Variants in CLIP1 observed in about 807,000 individuals in gnomAD.
CLIP1 encodes CAP-Gly domain-containing linker protein 1.
In CLIP1, 66 loss-of-function variants were observed where a neutral mutation model predicts 161.6. That is an observed-to-expected ratio of 0.41 (90% confidence interval 0.33 to 0.50). The LOEUF is 0.50. Among genes scored for constraint, CLIP1 ranks in the 20% least tolerant of loss-of-function variants. The probability of loss-of-function intolerance (pLI) is 0.27; values close to 1 mark genes in which losing one functional copy is unlikely to be tolerated. For synonymous variants in CLIP1, 598 were observed against 626.2 expected (o/e 0.96, Z 0.67); for missense variants, 1,376 against 1,702.0 (o/e 0.81, Z 3.37).
At chr12:122,414,579 C>G (rs573253349) in intron 1 of CLIP1, among the ~76,000 whole-genome samples, 2 of 152,124 alleles carry the variant, frequency 1.3e-5, no homozygotes, top group Admixed American at 1.3e-4. Flanking sequence ...ATTCTCCTGC[C>G]TCAGTCTCCC....
chr12:122,363,596 A>T (rs1486035450), intron 4 of CLIP1, among the ~76,000 whole-genome samples: 2 of 151,962 alleles, frequency 1.3e-5, no homozygotes, highest in East Asian at 3.9e-4. Flanking sequence ...AAATATGAAG[A>T]CACATTTTGC....
chr12:122,300,676 T>C (rs1950646204), intron 20 of CLIP1, among the ~76,000 whole-genome samples: 1 of 152,210 alleles, frequency 6.6e-6, no homozygotes, highest in South Asian at 2.1e-4. Flanking sequence ...GTGATTTTCC[T>C]GCCTCAGCCT....
chr12:122,285,398 T>C (rs1449390597), intron 21 of CLIP1, among the ~76,000 whole-genome samples: 2 of 152,168 alleles, frequency 1.3e-5, no homozygotes, highest in Non-Finnish European at 2.9e-5. Flanking sequence ...AGCTAATTTT[T>C]GTATTTTTAG....
At chr12:122,296,142 T>C (rs1950460738) in intron 20 of CLIP1, among the ~76,000 whole-genome samples, 1 of 152,220 alleles carries the variant, frequency 6.6e-6, no homozygotes, top group African/African-American at 2.4e-5. Context: ...TTTGATTCCA[T>C]TTATGTGACC....
intron 3 of CLIP1, among the ~76,000 whole-genome samples, chr12:122,376,393 G>T (rs1424436679): frequency 6.6e-6 from 1 of 152,056 alleles, no homozygotes; most frequent in East Asian, 1.9e-4. Flanking sequence ...TTAGTATAGT[G>T]GTGAGTGTTT....
At chr12:122,299,138 G>A (rs999940653) in intron 20 of CLIP1, among the ~76,000 whole-genome samples, 1 of 152,102 alleles carries the variant, frequency 6.6e-6, no homozygotes, top group African/African-American at 2.4e-5. Context: ...TGTATCTTTA[G>A]TGCAGCCGAA....
intron 1 of CLIP1, among the ~76,000 whole-genome samples, chr12:122,404,921 A>AC (rs1462171790): frequency 4.0e-5 from 6 of 151,636 alleles, no homozygotes; most frequent in African/African-American, 1.5e-4. Flanking sequence ...ACAAAACAAA[A>AC]AAAAACCAAC....
intron 15 of CLIP1, among the ~76,000 whole-genome samples, chr12:122,332,576 C>T (rs1274566233): frequency 6.6e-6 from 1 of 152,054 alleles, no homozygotes; most frequent in East Asian, 1.9e-4. Flanking sequence ...CTTGCACCAC[C>T]ACGCCTGGCT....
chr12:122,353,205 T>G (rs1466852630), intron 7 of CLIP1, among the ~76,000 whole-genome samples: 1 of 152,014 alleles, frequency 6.6e-6, no homozygotes, highest in East Asian at 1.9e-4. Flanking sequence ...ATTAGCCAGG[T>G]GTGGCAGCGT....
chr12:122,313,212 G>T (rs2136545710), intron 19 of CLIP1, among the ~76,000 whole-genome samples: 1 of 152,284 alleles, frequency 6.6e-6, no homozygotes, highest in South Asian at 2.1e-4. Flanking sequence ...GTCTGTTGGG[G>T]CAGAAAAATA....
rs139445702 is a variant in CLIP1, at chr12:122,377,686, T to C, written c.360A>G (p.Arg120=). 17,856 of 1,613,658 alleles carry C rather than the reference T, an allele frequency of 0.011. 147 individuals carry two copies. Among genetic ancestry groups the C allele is most frequent in the Middle Eastern group, 0.043 (262 of 6,062 alleles). ...QCEPLKGIFT[R]PSKLTRKVQA... is the part of the protein sequence containing the mutation. ...GCACCTTCCTTGTTAACTTTGAAGGTCGGGTAAATATGCCCTTTAAAGGTT... is the reference window on the plus strand; with the variant it reads ...GCACCTTCCTTGTTAACTTTGAAGGCCGGGTAAATATGCCCTTTAAAGGTT... The change falls in exon 3 of 26, where the codon CGA becomes CGG. Residue 120 remains arginine, a synonymous_variant. Coordinates refer to ENST00000620786, the MANE Select transcript of CLIP1 (RefSeq NM_001247997.2).
At chr12:122,384,774 A>T (rs914715140) in intron 1 of CLIP1, among the ~76,000 whole-genome samples, 2 of 151,786 alleles carry the variant, frequency 1.3e-5, no homozygotes, top group Non-Finnish European at 2.9e-5. Context: ...AAATAAAAAA[A>T]AAAAATAAAG....
intron 21 of CLIP1, among the ~76,000 whole-genome samples, chr12:122,285,546 C>T (rs1277721595): frequency 2.0e-5 from 3 of 151,684 alleles, no homozygotes; most frequent in South Asian, 4.2e-4. Flanking sequence ...TTTTGTATTG[C>T]CAGGCTGGTC....
chr12:122,416,810 G>C (rs969322075), intron 1 of CLIP1, among the ~76,000 whole-genome samples: 4 of 151,916 alleles, frequency 2.6e-5, no homozygotes, highest in Non-Finnish European at 5.9e-5. Context: ...TGAGGCAGAA[G>C]AATTGCTTGA....
intron 19 of CLIP1, among the ~76,000 whole-genome samples, chr12:122,314,022 G>A (rs34143963): frequency 6.6e-6 from 1 of 152,162 alleles, no homozygotes; most frequent in Non-Finnish European, 1.5e-5. Context: ...GCCAGGCGCA[G>A]TGGCTCACAG....
chr12:122,318,714 G>A (rs1188016249), intron 18 of CLIP1, among the ~76,000 whole-genome samples: 1 of 152,166 alleles, frequency 6.6e-6, no homozygotes, highest in Non-Finnish European at 1.5e-5. Context: ...ATCCAAAGAG[G>A]AGGAGAAATG....
At chr12:122,419,537 A>G (rs564257330) in intron 1 of CLIP1, among the ~76,000 whole-genome samples, 1 of 152,244 alleles carries the variant, frequency 6.6e-6, no homozygotes, top group East Asian at 1.9e-4. Context: ...GGTGCCCAGT[A>G]TGTGAAAGGT....
intron 20 of CLIP1, among the ~76,000 whole-genome samples, chr12:122,299,826 G>A (rs930688255): frequency 6.6e-6 from 1 of 151,944 alleles, no homozygotes; most frequent in Non-Finnish European, 1.5e-5. Context: ...TGAGGCAGGA[G>A]AATGGCGTGA....
chr12:122,334,956 C>G (rs1253904987), intron 12 of CLIP1, among the ~76,000 whole-genome samples: 2 of 152,114 alleles, frequency 1.3e-5, no homozygotes, highest in African/African-American at 4.8e-5. Context: ...CCAGCATGCC[C>G]ATGTAGGCAT....
Sources: allele counts gnomAD v4.1 joint callset (sites outside exome capture counted in the v4.1 genomes callset), GRCh38; gene constraint gnomAD v4.1.1; transcripts MANE v1.5; gene names NCBI Gene and HGNC (gene_info 2026-07-23, HGNC 2026-07-21).